DACH1: variants seen among roughly 807,000 people sequenced by gnomAD.
The protein encoded by DACH1 is dachshund homolog 1.
Under a neutral mutation model 54.2 loss-of-function variants are expected in DACH1, and 12 were observed. The ratio of observed to expected loss-of-function variants is 0.22; its 90% confidence interval spans 0.14 to 0.36. DACH1 has a LOEUF of 0.36. DACH1 is among the 10% of genes least tolerant of loss of function. The pLI is 1.00. For missense variants in DACH1, 805 were observed against 929.8 expected (o/e 0.87, Z 1.75); for synonymous variants, 386 against 366.2 (o/e 1.05, Z -0.62).
chr13:71,693,247 A>G (rs1014127961), intron 1 of DACH1, among the ~76,000 whole-genome samples: 17 of 150,904 alleles, frequency 1.1e-4, no homozygotes, highest in African/African-American at 4.2e-4. Flanking sequence ...ACACACACAC[A>G]TACATTCAAC....
At chr13:71,628,547 C>T (rs1232626745) in intron 3 of DACH1, among the ~76,000 whole-genome samples, 1 of 152,084 alleles carries the variant, frequency 6.6e-6, no homozygotes, top group East Asian at 1.9e-4. Context: ...TAAATTTCTG[C>T]TCTTGGTTCA....
At chr13:71,563,288 C>A (rs1884704622) in intron 4 of DACH1, among the ~76,000 whole-genome samples, 1 of 151,912 alleles carries the variant, frequency 6.6e-6, no homozygotes, top group African/African-American at 2.4e-5. Flanking sequence ...TATGTTAATG[C>A]ATGTTTGGCT....
At chr13:71,618,406 T>G (rs920310818) in intron 3 of DACH1, among the ~76,000 whole-genome samples, 1 of 152,094 alleles carries the variant, frequency 6.6e-6, no homozygotes, top group Non-Finnish European at 1.5e-5. Context: ...TAAACATTTC[T>G]GAGCTCACTT....
intron 4 of DACH1, among the ~76,000 whole-genome samples, chr13:71,567,668 G>C (rs1174169116): frequency 6.6e-6 from 1 of 151,888 alleles, no homozygotes; most frequent in Non-Finnish European, 1.5e-5. Flanking sequence ...CAACCTAATG[G>C]GGTAGTGCTG....
At chr13:71,748,955 TCTTTCTTTCTC>T (rs1884795347) in intron 1 of DACH1, among the ~76,000 whole-genome samples, 4 of 62,700 alleles carry the variant, frequency 6.4e-5, no homozygotes, top group Admixed American at 1.8e-4. Context: ...TTTCTTTCTC[TCTTTCTTTCTC>T]TCTCTCTCTT....
At chr13:71,772,220 T>A (rs1378126516) in intron 1 of DACH1, among the ~76,000 whole-genome samples, 1 of 151,660 alleles carries the variant, frequency 6.6e-6, no homozygotes, top group Non-Finnish European at 1.5e-5. Context: ...GTAATTAACA[T>A]TCCTTAATTA....
rs377753183 is a variant in DACH1 at position 71,489,171 on chromosome 13, T to C, written c.1571-23A>G. ...CATCTGCATGTGATTGAAACAAAAATATAGAACAAGTTACGCTTGTCTGTT... is the reference window on the plus strand; with the variant it reads ...CATCTGCATGTGATTGAAACAAAAACATAGAACAAGTTACGCTTGTCTGTT... On this transcript the variant is annotated intron_variant, in intron 6 of 10. Coordinates refer to ENST00000613252, the MANE Select transcript of DACH1 (RefSeq NM_080759.6). 2.5e-4 allele frequency: 396 copies of C among 1,605,946 alleles called. No individual in the cohort carries two copies. In the African/African-American group the frequency reaches 4.9e-3, roughly 20 times the overall value.
intron 2 of DACH1, among the ~76,000 whole-genome samples, chr13:71,661,267 A>G (rs1879465842): frequency 6.6e-6 from 1 of 151,526 alleles, no homozygotes; most frequent in Admixed American, 6.6e-5. Context: ...AGCACATAGT[A>G]AAATTAATTT....
chr13:71,791,938 G>A (rs535139322), intron 1 of DACH1, among the ~76,000 whole-genome samples: 1 of 152,214 alleles, frequency 6.6e-6, no homozygotes, highest in African/African-American at 2.4e-5. Flanking sequence ...CTCCACCAAA[G>A]CCACCTCAGC....
chr13:71,588,709 C>A (rs1279600852), intron 3 of DACH1, among the ~76,000 whole-genome samples: 1 of 151,856 alleles, frequency 6.6e-6, no homozygotes, highest in African/African-American at 2.4e-5. Context: ...AAATTACTGA[C>A]CAATTCTTAC....
At chr13:71,822,486 T>C (rs1367725492) in intron 1 of DACH1, among the ~76,000 whole-genome samples, 2 of 152,216 alleles carry the variant, frequency 1.3e-5, no homozygotes, top group Non-Finnish European at 1.5e-5. Context: ...ATCTCGTGTA[T>C]GTTATTATGT....
intron 1 of DACH1, among the ~76,000 whole-genome samples, chr13:71,754,935 C>T (rs1366528175): frequency 6.6e-6 from 1 of 151,976 alleles, no homozygotes; most frequent in Non-Finnish European, 1.5e-5. Flanking sequence ...TGTTTTTATC[C>T]AGGAGATGGG....
chr13:71,759,122 G>A (rs1161918953), intron 1 of DACH1, among the ~76,000 whole-genome samples: 1 of 151,374 alleles, frequency 6.6e-6, no homozygotes, highest in East Asian at 1.9e-4. Context: ...CCCCTTTCTG[G>A]CTGCTTTTAC....
intron 8 of DACH1, among the ~76,000 whole-genome samples, chr13:71,476,592 T>C (rs1877540954): frequency 6.6e-6 from 1 of 152,110 alleles, no homozygotes; most frequent in South Asian, 2.1e-4. Context: ...AATAATAATA[T>C]GCTGCTGGTA....
chr13:71,715,003 G>A (rs927334530), intron 1 of DACH1, among the ~76,000 whole-genome samples: 1 of 152,028 alleles, frequency 6.6e-6, no homozygotes, highest in Admixed American at 6.6e-5. Flanking sequence ...CTACTAACAG[G>A]TAAGTAAAAT....
chr13:71,475,758 T>A lies in DACH1; in HGVS notation c.1962A>T (p.Ala654=), dbSNP rs1322661344. ...LEFETKRREQ[A]EQTLKQAAST... ...AAGCTGCCTGTTTTAGCGTCTGTTC[T>A]GCTTGTTCACGCCGTTTCGTCTCAA... Residue 654 remains alanine, a synonymous_variant, in exon 9 of 11, where the codon GCA becomes GCT. Coordinates refer to ENST00000613252, the MANE Select transcript of DACH1 (RefSeq NM_080759.6). 7.4e-6 allele frequency: 12 copies of A among 1,613,834 alleles called. No individual in the cohort carries two copies. Among genetic ancestry groups the A allele is most frequent in the Non-Finnish European group, 1.7e-6 (2 of 1,179,924 alleles).
chr13:71,681,430 A>C (rs1466098661), intron 2 of DACH1, among the ~76,000 whole-genome samples: 3 of 152,174 alleles, frequency 2.0e-5, no homozygotes, highest in Non-Finnish European at 2.9e-5. Context: ...TTAAAATCCA[A>C]AGACTTGGGT....
intron 1 of DACH1, among the ~76,000 whole-genome samples, chr13:71,818,618 T>C (rs1201587528): frequency 3.3e-5 from 5 of 152,212 alleles, no homozygotes; most frequent in Admixed American, 3.3e-4. Context: ...TTTGGTCATC[T>C]TGTCTCTACT....
At chr13:71,859,972 T>A (rs1030031702) in intron 1 of DACH1, among the ~76,000 whole-genome samples, 9 of 151,868 alleles carry the variant, frequency 5.9e-5, no homozygotes, top group African/African-American at 2.2e-4. Context: ...GAGATGTACA[T>A]ATCTGTGCAG....
Sources: allele counts gnomAD v4.1 joint callset (sites outside exome capture counted in the v4.1 genomes callset), GRCh38; gene constraint gnomAD v4.1.1; transcripts MANE v1.5; gene names NCBI Gene and HGNC (gene_info 2026-07-23, HGNC 2026-07-21).